Variants in GALNT8 observed in about 807,000 individuals in gnomAD.
GALNT8 encodes probable polypeptide N-acetylgalactosaminyltransferase 8.
A neutral mutation model predicts 62.7 loss-of-function variants in GALNT8; 66 were observed. The ratio of observed to expected loss-of-function variants is 1.05; its 90% CI spans 0.86 to 1.29. The LOEUF (loss-of-function observed/expected upper bound fraction) is 1.29, where lower values mean the gene tolerates loss of function less well. GALNT8 is among the 50% of genes most tolerant of loss of function. The pLI is 0.00. For missense variants in GALNT8, 771 were observed against 791.8 expected (o/e 0.97, Z 0.32); for synonymous variants, 288 against 294.3 (o/e 0.98, Z 0.22).
At chr12:4,763,112 G>A in intron 7 of GALNT8, 141 bp from the exon 8 acceptor site, 2 of 665,978 alleles carry the variant, frequency 3.0e-6, no homozygotes, top group Non-Finnish European at 5.3e-6. Flanking sequence ...TTTCAATCTT[G>A]TCTATCCATT....
At chr12:4,741,165 C>T (rs1946270544) in intron 3 of GALNT8, among the ~76,000 whole-genome samples, 1 of 152,114 alleles carries the variant, frequency 6.6e-6, no homozygotes, top group Non-Finnish European at 1.5e-5. Context: ...ATTGTACCTT[C>T]CTGAGAGAGC....
At position 4,726,878 on chromosome 12, in the gene GALNT8, G is replaced by A. The variant is rs760772641; in HGVS notation, c.509+49G>A. On this transcript the variant is annotated intron_variant, in intron 2 of 10. Transcript: ENST00000252318. This position sits in a 1 kb window ranked among gnomAD's most constrained non-coding sequence, Gnocchi z 4.1. The stretch of plus-strand genomic sequence containing the variant: ...TCTAGGGTCCTCAGTTTGATTTGAG[G>A]ATGAGCTTTGGGAGCAGTGAACATT... 1 of 1,498,394 alleles carries A rather than the reference G, an allele frequency of 6.7e-7. No homozygotes were observed. Among genetic ancestry groups the A allele is most frequent in the Admixed American group, 1.8e-5 (1 of 54,116 alleles). 92.8% of individuals were successfully genotyped at this position (1,498,394 alleles called of 1,614,324 possible).
At chr12:4,720,952 A>G in intron 1 of GALNT8, 64 bp downstream of exon 1, 1 of 1,006,844 alleles carries the variant, frequency 9.9e-7, no homozygotes, top group African/African-American at 1.6e-5. Flanking sequence ...GCACTTAGGA[A>G]AAAGGGATAT....
At chr12:4,745,220 C>A (rs1322915543) in intron 4 of GALNT8, among the ~76,000 whole-genome samples, 1 of 152,152 alleles carries the variant, frequency 6.6e-6, no homozygotes, top group Admixed American at 6.5e-5. Context: ...CAAACCTGTT[C>A]TCGATGCGGG....
intron 4 of GALNT8, 148 bp from the exon 5 acceptor site, chr12:4,745,281 A>T: frequency 1.6e-6 from 1 of 634,360 alleles, no homozygotes; most frequent in Admixed American, 2.4e-5. Flanking sequence ...GATTCTCTGG[A>T]CTCTAGAGAG....
chr12:4,763,919 TA>T, intron 8 of GALNT8, 32 bp from the exon 9 acceptor site: 1 of 1,079,556 alleles, frequency 9.3e-7, no homozygotes, highest in Non-Finnish European at 1.4e-6. Flanking sequence ...CTGTCCTTTC[TA>T]ACAGTGTTGC....
chr12:4,747,693 T>C (rs370855701), intron 6 of GALNT8, among the ~76,000 whole-genome samples: 79 of 152,334 alleles, frequency 5.2e-4, no homozygotes, highest in African/African-American at 1.8e-3. Flanking sequence ...TGCAGATATC[T>C]CTTTGATTTA....
chr12:4,748,965 T>G (rs1181214905), intron 6 of GALNT8, among the ~76,000 whole-genome samples: 2 of 152,142 alleles, frequency 1.3e-5, no homozygotes, highest in Non-Finnish European at 2.9e-5. Flanking sequence ...TTTAATTTTA[T>G]TTGTGGTGAT....
intron 2 of GALNT8, among the ~76,000 whole-genome samples, chr12:4,734,057 T>C (rs1403709469): frequency 1.3e-5 from 2 of 152,196 alleles, no homozygotes; most frequent in Non-Finnish European, 2.9e-5. Context: ...CAGATAACCT[T>C]TATGGAGCTT....
At chr12:4,727,350 C>T (rs1031107383) in intron 2 of GALNT8, among the ~76,000 whole-genome samples, 10 of 151,952 alleles carry the variant, frequency 6.6e-5, no homozygotes, top group African/African-American at 2.4e-4. Flanking sequence ...TTAGAAACAG[C>T]TTTGTTGAGA....
At position 4,726,865 on chromosome 12, in the gene GALNT8, A is replaced by G. The variant is rs759672530; in HGVS notation, c.509+36A>G. 1.2e-5 allele frequency: 18 copies of G among 1,551,284 alleles called. No individual in the cohort carries two copies. In the African/African-American group the frequency reaches 1.6e-4, roughly 14 times the overall value. On this transcript the variant is annotated intron_variant, in intron 2 of 10. Coordinates refer to ENST00000252318, the MANE Select transcript of GALNT8 (RefSeq NM_017417.2). This position sits in a 1 kb window ranked among gnomAD's most constrained non-coding sequence, Gnocchi z 4.1. ...CCAGGCTTGGGCTTCTAGGGTCCTCAGTTTGATTTGAGGATGAGCTTTGGG... is the reference window on the plus strand; with the variant it reads ...CCAGGCTTGGGCTTCTAGGGTCCTCGGTTTGATTTGAGGATGAGCTTTGGG...
rs1434971328 is a variant in GALNT8, at chr12:4,749,979, T to C, written c.1173+3721T>C. Among the ~76,000 whole-genome samples, 1 of 152,130 alleles carries C rather than the reference T, an allele frequency of 6.6e-6. No individual in the cohort carries two copies. Among genetic ancestry groups the C allele is most frequent in the Non-Finnish European group, 1.5e-5 (1 of 68,002 alleles). On this transcript the variant is annotated intron_variant, in intron 6 of 10. Transcript: ENST00000252318. The surrounding 1 kb of genome is among the most constrained non-coding windows in gnomAD (Gnocchi z 4.1). ...CAGTTGCTTATAGGAGCTGTTAGTG[T>C]TCCTTTAAATTTATGCAGAATCAGT... is the stretch of plus-strand genomic sequence containing the variant.
At position 4,765,352 on chromosome 12, in the gene GALNT8, CTTTTTTTTTTTTTTT is replaced by C. The variant is rs35971936; in HGVS notation, c.1594-17_1594-3del. 8.9e-6 allele frequency: 9 copies of C among 1,014,862 alleles called. 1 individual carries two copies. Among genetic ancestry groups the C allele is most frequent in the African/African-American group, 8.2e-5 (3 of 36,542 alleles). 62.9% of individuals were successfully genotyped at this position (1,014,862 alleles called of 1,614,324 possible). On this transcript the variant is annotated splice_polypyrimidine_tract_variant and intron_variant, in intron 9 of 10. Coordinates refer to ENST00000252318, the MANE Select transcript of GALNT8 (RefSeq NM_017417.2). Reference sequence around the variant, plus strand: ...GACAATGCCTATGGTGAGCCCTCTGCTTTTTTTTTTTTTTTTTTTTTTTTAGAATGTCTACTATCA... The same window carrying C: ...GACAATGCCTATGGTGAGCCCTCTGCTTTTTTTTTAGAATGTCTACTATCA...
At chr12:4,766,205 C>G (rs1393109026) in intron 10 of GALNT8, among the ~76,000 whole-genome samples, 2 of 151,930 alleles carry the variant, frequency 1.3e-5, no homozygotes, top group African/African-American at 4.8e-5. Flanking sequence ...CACTGAGTCT[C>G]TTGACTAAGG....
chr12:4,754,168 G>C (rs191572027), intron 6 of GALNT8, among the ~76,000 whole-genome samples: 3 of 152,132 alleles, frequency 2.0e-5, no homozygotes, highest in East Asian at 3.9e-4. Flanking sequence ...TCTCACTCAA[G>C]GCCTGCTGTA....
chr12:4,745,314 C>A, intron 4 of GALNT8, 115 bp from the exon 5 acceptor site: 1 of 705,618 alleles, frequency 1.4e-6, no homozygotes, highest in South Asian at 1.6e-5. Context: ...CCCAGTACAG[C>A]CTAAATGGAG....
intron 6 of GALNT8, among the ~76,000 whole-genome samples, chr12:4,760,130 C>T (rs1160785831): frequency 6.6e-6 from 1 of 152,178 alleles, no homozygotes; most frequent in Non-Finnish European, 1.5e-5. Flanking sequence ...TTAGCTGGGT[C>T]TTCTGTAAGG....
intron 2 of GALNT8, among the ~76,000 whole-genome samples, chr12:4,730,019 G>A (rs1946214650): frequency 6.6e-6 from 1 of 152,042 alleles, no homozygotes; most frequent in Admixed American, 6.6e-5. Context: ...GCCATTTATA[G>A]TCTTCTTTTG....
chr12:4,761,416 G>T (rs1320981067), intron 7 of GALNT8, among the ~76,000 whole-genome samples: 1 of 152,106 alleles, frequency 6.6e-6, no homozygotes, highest in Admixed American at 6.5e-5. Flanking sequence ...GGAAGCTGAG[G>T]CACAGAGAGT....
Sources: gnomAD v4.1 joint callset for allele counts (sites outside exome capture counted in the v4.1 genomes callset) on GRCh38, gnomAD v4.1.1 for gene constraint, Gnocchi (gnomAD v3.1) non-coding constraint, MANE v1.5 for transcripts, NCBI Gene and HGNC (gene_info 2026-07-23, HGNC 2026-07-21) for gene names.